The following WDR49 variants were observed in gnomAD, a reference collection of about 807,000 sequenced individuals.
WDR49 encodes WD repeat domain 49, also known as cilia- and flagella-associated protein 337.
In WDR49, 107 loss-of-function variants were observed where a neutral mutation model predicts 119.5. That is an observed-to-expected ratio of 0.90 (90% CI 0.77 to 1.05). The LOEUF is 1.05. Ranked by LOEUF, WDR49 falls within the 50% of genes least tolerant of loss-of-function variation. WDR49 has a pLI of 0.00. For synonymous variants in WDR49, 425 were observed against 418.8 expected (o/e 1.01, Z -0.18); for missense variants, 1,240 against 1,220.5 (o/e 1.02, Z -0.24).
At chr3:167,485,245 TG>T (rs1750876714) in intron 18 of WDR49, among the ~76,000 whole-genome samples, 1 of 152,074 alleles carries the variant, frequency 6.6e-6, no homozygotes, top group Admixed American at 6.6e-5. Flanking sequence ...CTAATGCATG[TG>T]GGGCTTAAAA....
At chr3:167,617,842 G>A (rs996984477) in intron 5 of WDR49, among the ~76,000 whole-genome samples, 2 of 152,222 alleles carry the variant, frequency 1.3e-5, no homozygotes, top group South Asian at 2.1e-4. Flanking sequence ...ATTTTCTAAT[G>A]ATCAAAAACC....
chr3:167,497,839 C>T (rs1751414708), intron 18 of WDR49, among the ~76,000 whole-genome samples: 1 of 150,172 alleles, frequency 6.7e-6, no homozygotes, highest in African/African-American at 2.5e-5. Context: ...CTGTTTGTGG[C>T]TCACAAAGAC....
intron 5 of WDR49, among the ~76,000 whole-genome samples, chr3:167,605,424 A>C (rs141496802): frequency 3.3e-4 from 50 of 152,220 alleles, no homozygotes; most frequent in African/African-American, 1.2e-3. Context: ...AAAACATGGC[A>C]TTCAATCCTC....
At position 167,532,931 on chromosome 3, in the gene WDR49, A is replaced by C; in HGVS notation, c.2001T>G (p.Asn667Lys). The change falls in exon 12 of 19, where the codon AAT (asparagine) becomes AAG (lysine). Residue 667 changes from asparagine (N) to lysine (K), a missense_variant. Physicochemically the swap from Asn to Lys is moderately conservative, Grantham distance 94 (BLOSUM62 0). Transcript: ENST00000682715. ...AATCAGGGTGAAGAACATGGTGAGC[A>C]TTCTCTGTGCTATTGTTCCATAGAA... is the stretch of plus-strand genomic sequence containing the variant. ...EIVLWNNSTE[N>K]AHHVLHPDYQ... The C allele has an allele frequency of 6.2e-7, 1 of 1,610,198 alleles. No individual in the cohort carries two copies.
upstream of WDR49, among the ~76,000 whole-genome samples, chr3:167,656,183 T>G (rs1718598209): frequency 6.6e-6 from 1 of 152,172 alleles, no homozygotes; most frequent in African/African-American, 2.4e-5. Flanking sequence ...CGGGGGTGTA[T>G]TTACCAGATT....
chr3:167,560,010 C>A, intron 9 of WDR49, 54 bp downstream of exon 9: 1 of 1,577,724 alleles, frequency 6.3e-7, no homozygotes, highest in Non-Finnish European at 8.6e-7. Flanking sequence ...TGTCTTCTGG[C>A]ATAGTATTTT....
intron 2 of WDR49, among the ~76,000 whole-genome samples, chr3:167,642,080 T>G (rs1462427861): frequency 6.6e-6 from 1 of 151,944 alleles, no homozygotes; most frequent in Admixed American, 6.6e-5. Flanking sequence ...TTCCTAAGTA[T>G]GCATTTTTAT....
intron 7 of WDR49, among the ~76,000 whole-genome samples, chr3:167,601,472 G>A (rs1179295253): frequency 6.6e-6 from 1 of 152,022 alleles, no homozygotes; most frequent in Non-Finnish European, 1.5e-5. Flanking sequence ...TCTTTAAGTT[G>A]GGCATTAGTA....
intron 10 of WDR49, among the ~76,000 whole-genome samples, chr3:167,537,376 A>C (rs188608014): frequency 4.5e-4 from 69 of 152,278 alleles, no homozygotes; most frequent in African/African-American, 1.7e-3. Flanking sequence ...CAGGCCTATG[A>C]ACAAATAATG....
At chr3:167,654,659 G>T (rs899030084), upstream of WDR49, among the ~76,000 whole-genome samples, 3 of 152,176 alleles carry the variant, frequency 2.0e-5, no homozygotes, top group Non-Finnish European at 2.9e-5. Flanking sequence ...ACTTTGGGAG[G>T]CTGAGGCAGG....
At chr3:167,579,666 A>T (rs1209201318) in intron 7 of WDR49, among the ~76,000 whole-genome samples, 2 of 152,178 alleles carry the variant, frequency 1.3e-5, no homozygotes, top group Non-Finnish European at 2.9e-5. Flanking sequence ...CACTAAAAAA[A>T]TTTTAAAAAA....
At chr3:167,566,647 A>T (rs1289485622) in intron 8 of WDR49, among the ~76,000 whole-genome samples, 1 of 152,134 alleles carries the variant, frequency 6.6e-6, no homozygotes, top group Admixed American at 6.6e-5. Flanking sequence ...TATAATGTCG[A>T]TCCCAAAAAA....
chr3:167,585,727 T>G (rs1416966045), intron 7 of WDR49, among the ~76,000 whole-genome samples: 3 of 151,876 alleles, frequency 2.0e-5, no homozygotes, highest in African/African-American at 4.8e-5. Context: ...TAAATAAAGT[T>G]GTATTTTGTT....
At chr3:167,622,985 A>G (rs1716940387) in intron 3 of WDR49, among the ~76,000 whole-genome samples, 1 of 152,124 alleles carries the variant, frequency 6.6e-6, no homozygotes, top group Admixed American at 6.6e-5. Context: ...TGGGTCAAAG[A>G]AGAAACAGAC....
At chr3:167,532,815 A>G in intron 12 of WDR49, 64 bp downstream of exon 12, 3 of 1,187,918 alleles carry the variant, frequency 2.5e-6, no homozygotes, top group South Asian at 1.4e-5. Context: ...AGGCACATGC[A>G]TGAACAACCA....
intron 8 of WDR49, among the ~76,000 whole-genome samples, chr3:167,564,608 C>T (rs1036454291): frequency 1.3e-5 from 2 of 152,174 alleles, no homozygotes; most frequent in Non-Finnish European, 2.9e-5. Flanking sequence ...CTGATGAGGA[C>T]GGGGCCCTGA....
chr3:167,615,782 C>G (rs930873061), intron 5 of WDR49, among the ~76,000 whole-genome samples: 4 of 152,116 alleles, frequency 2.6e-5, no homozygotes, highest in African/African-American at 9.7e-5. Flanking sequence ...TTCTCAGCAC[C>G]AATAGATAAG....
intron 17 of WDR49, among the ~76,000 whole-genome samples, chr3:167,501,279 G>C (rs1318098790): frequency 6.6e-6 from 1 of 152,170 alleles, no homozygotes; most frequent in South Asian, 2.1e-4. Context: ...TGAGGAAACT[G>C]AGGCTTAGGA....
chr3:167,579,166 C>T (rs1714409587), intron 7 of WDR49, among the ~76,000 whole-genome samples: 1 of 152,046 alleles, frequency 6.6e-6, no homozygotes, highest in Non-Finnish European at 1.5e-5. Context: ...GAGTCAGTTC[C>T]TCACCATGCC....
Sources: allele counts gnomAD v4.1 joint callset (sites outside exome capture counted in the v4.1 genomes callset), GRCh38; gene constraint gnomAD v4.1.1; transcripts MANE v1.5; gene names NCBI Gene and HGNC (gene_info 2026-07-23, HGNC 2026-07-21).